The following SPTY2D1 variants were observed in gnomAD, a reference collection of about 807,000 sequenced individuals.
The protein encoded by SPTY2D1 is SPT2 chromatin protein domain containing 1, also known as protein SPT2 homolog.
In SPTY2D1, 21 loss-of-function variants were observed where a neutral mutation model predicts 64.0. The observed-to-expected ratio is 0.33, with a 90% confidence interval of 0.23 to 0.47. SPTY2D1 has a LOEUF of 0.47. Among genes scored for constraint, SPTY2D1 ranks in the 20% least tolerant of loss-of-function variants. SPTY2D1 has a pLI of 1.00. For missense variants in SPTY2D1, 724 were observed against 837.2 expected (o/e 0.86, Z 1.67); for synonymous variants, 287 against 286.8 (o/e 1.00, Z -0.01).
At chr11:18,627,921 G>A (rs1308824049) in intron 1 of SPTY2D1, among the ~76,000 whole-genome samples, 5 of 152,030 alleles carry the variant, frequency 3.3e-5, no homozygotes, top group Non-Finnish European at 7.4e-5. Context: ...GGTGGTGCAT[G>A]CCTGTAGTCC....
At chr11:18,617,519 A>T (rs1035409311) in intron 1 of SPTY2D1, among the ~76,000 whole-genome samples, 1 of 148,496 alleles carries the variant, frequency 6.7e-6, no homozygotes, top group African/African-American at 2.5e-5. Context: ...CCAGCTACTC[A>T]GGAGGCTGAG....
At chr11:18,611,030 C>T (rs756668496) in intron 5 of SPTY2D1, among the ~76,000 whole-genome samples, 1 of 152,204 alleles carries the variant, frequency 6.6e-6, no homozygotes, top group Non-Finnish European at 1.5e-5. Context: ...CATGGTGGCT[C>T]ACACCTATAA....
intron 1 of SPTY2D1, among the ~76,000 whole-genome samples, chr11:18,626,449 C>T (rs1313064774): frequency 6.6e-6 from 1 of 151,480 alleles, no homozygotes; most frequent in African/African-American, 2.4e-5. Flanking sequence ...AACAGAGTTA[C>T]TGCCTAAGGC....
At chr11:18,631,718 T>A (rs1854592501) in intron 1 of SPTY2D1, among the ~76,000 whole-genome samples, 1 of 152,228 alleles carries the variant, frequency 6.6e-6, no homozygotes, top group Non-Finnish European at 1.5e-5. Flanking sequence ...AATGTTAATA[T>A]GCTAAATACG....
At chr11:18,629,419 G>A (rs753473983) in intron 1 of SPTY2D1, among the ~76,000 whole-genome samples, 4 of 152,034 alleles carry the variant, frequency 2.6e-5, no homozygotes, top group East Asian at 1.9e-4. Context: ...CAGGAGAATC[G>A]CTTGACCCCG....
chr11:18,615,132 T>C lies in SPTY2D1; in HGVS notation c.1142A>G (p.Gln381Arg). The part of the protein sequence containing the change: ...PGSSSSSAPG[Q>R]PSTGVARPTV... ...GGGTCGAGCAACCCCTGTGCTGGGC[T>C]GCCCAGGGGCTGAGCTAGAGCTGCT... is the stretch of plus-strand genomic sequence containing the variant. Residue 381 changes from glutamine to arginine, a missense_variant, in exon 3 of 6, where the codon CAG (glutamine) becomes CGG (arginine). Transcript: ENST00000336349. 6.2e-7 allele frequency: 1 copy of C among 1,614,206 alleles called. No homozygotes were observed. The highest frequency in any genetic ancestry group is 8.5e-7 in the Non-Finnish European group (1 of 1,180,026).
Position 18,616,962 on chromosome 11 carries a change from G to T in SPTY2D1, c.88C>A (p.Pro30Thr). The stretch of plus-strand genomic sequence containing the variant: ...CCTTTAACTTTTGGGTCTTTTTTTG[G>T]AGGCCCCACTGCCAAACTATACCTT... ...PKRYSLAVGP[P>T]KKDPKVKGVQ... The change falls in exon 2 of 6, where the codon CCA (proline) becomes ACA (threonine). Residue 30 changes from proline (P) to threonine (T), a missense_variant. Physicochemically the swap from Pro to Thr is conservative, Grantham distance 38 (BLOSUM62 -1). Transcript: ENST00000336349. 6.2e-7 allele frequency: 1 copy of T among 1,613,940 alleles called. No individual in the cohort carries two copies.
intron 1 of SPTY2D1, among the ~76,000 whole-genome samples, chr11:18,621,135 C>T (rs755237659): frequency 3.4e-4 from 50 of 146,254 alleles, no homozygotes; most frequent in Non-Finnish European, 6.8e-4. Flanking sequence ...GAAACCCCAT[C>T]AAAATACAAA....
At chr11:18,633,897 G>C (rs760505782) in intron 1 of SPTY2D1, among the ~76,000 whole-genome samples, 4 of 152,162 alleles carry the variant, frequency 2.6e-5, no homozygotes, top group Non-Finnish European at 4.4e-5. Context: ...AATCCACAGC[G>C]TGCCAGGCAC....
At chr11:18,611,614 G>A (rs771900035) in intron 4 of SPTY2D1, 60 bp from the exon 5 acceptor site, 138 of 1,340,218 alleles carry the variant, frequency 1.0e-4, no homozygotes, top group Middle Eastern at 1.8e-4. Context: ...AAGGAACTAC[G>A]TCCTCTCATT....
chr11:18,615,780 G>A lies in SPTY2D1; in HGVS notation c.494C>T (p.Pro165Leu). 6.2e-7 allele frequency: 1 copy of A among 1,614,036 alleles called. No individual in the cohort carries two copies. The highest frequency in any genetic ancestry group is 8.5e-7 in the Non-Finnish European group (1 of 1,179,966). The change falls in exon 3 of 6, where the codon CCA becomes CTA. Residue 165 changes from proline to leucine, a missense_variant. Pro to Leu is a moderately conservative substitution (Grantham distance 98). Around this residue, in one of 3 missense-constraint regions of SPTY2D1, gnomAD observed 179 missense variants for 232.5 expected, o/e 0.77. Transcript: ENST00000336349. ...GAGTAAATCAGTGAAGTTCATGGGT[G>A]GTGGGGCACTTTTAAGGGGGACCTT... ...KPKVPLKSAPPPMNFTDLLRL... is the reference protein window; with the variant it reads ...KPKVPLKSAPLPMNFTDLLRL...
intron 1 of SPTY2D1, among the ~76,000 whole-genome samples, chr11:18,633,521 AC>A (rs1221688712): frequency 6.6e-6 from 1 of 152,224 alleles, no homozygotes; most frequent in Admixed American, 6.5e-5. Flanking sequence ...ACATCTACTG[AC>A]CAAATGGGAC....
At chr11:18,617,149 A>C (rs1297537019) in intron 1 of SPTY2D1, among the ~76,000 whole-genome samples, 160 bp from the exon 2 acceptor site, 1 of 152,234 alleles carries the variant, frequency 6.6e-6, no homozygotes, top group East Asian at 1.9e-4. Context: ...CTTAGCTATA[A>C]AATTTCAGAC....
intron 5 of SPTY2D1, among the ~76,000 whole-genome samples, chr11:18,610,526 G>A (rs1319359382): frequency 1.3e-5 from 2 of 151,860 alleles, no homozygotes; most frequent in Admixed American, 1.3e-4. Flanking sequence ...TTAGCTGGGC[G>A]TGGTAGCGCA....
intron 1 of SPTY2D1, among the ~76,000 whole-genome samples, chr11:18,633,051 C>A (rs1224747765): frequency 1.3e-5 from 2 of 152,062 alleles, no homozygotes; most frequent in African/African-American, 4.8e-5. Context: ...TTATGACTCA[C>A]GGCTTAGAGG....
chr11:18,626,459 C>T lies in SPTY2D1; in HGVS notation c.60+7739G>A, dbSNP rs147615149. Among the ~76,000 whole-genome samples, 7 of 151,884 alleles carry T rather than the reference C, an allele frequency of 4.6e-5. No homozygotes were observed. In the East Asian group the frequency reaches 1.4e-3, roughly 29 times the overall value. On this transcript the variant is annotated intron_variant, in intron 1 of 5. Transcript: ENST00000336349. Reference sequence around the variant, plus strand: ...AAAAAAACAGAGTTACTGCCTAAGGCTGGAGTTGGGGATAGGGAACTGGAT... The same window carrying T: ...AAAAAAACAGAGTTACTGCCTAAGGTTGGAGTTGGGGATAGGGAACTGGAT...
intron 1 of SPTY2D1, among the ~76,000 whole-genome samples, chr11:18,620,181 A>C (rs754991566): frequency 1.1e-4 from 17 of 152,202 alleles, no homozygotes; most frequent in Non-Finnish European, 4.4e-5. Context: ...ATTTAAAAAA[A>C]CATACAGAGT....
chr11:18,607,857 A>G lies in SPTY2D1; in HGVS notation c.*2004T>C, dbSNP rs1297048854. On this transcript the variant is annotated 3_prime_UTR_variant, in exon 6 of 6. Transcript: ENST00000336349. Reference sequence around the variant, plus strand: ...CTAAGTTCTGGAAATTTATTCTAACATAATGGTGCCTTTCTGTACAAAGAA... The same window carrying G: ...CTAAGTTCTGGAAATTTATTCTAACGTAATGGTGCCTTTCTGTACAAAGAA... 6 of 152,254 alleles carry G rather than the reference A, an allele frequency of 3.9e-5. No individual in the cohort carries two copies. The highest frequency in any genetic ancestry group is 2.6e-4 in the Admixed American group (4 of 15,282). 9.4% of individuals were successfully genotyped at this position (152,254 alleles called of 1,614,324 possible). A position where few individuals can be genotyped will look rare whatever the true frequency, so the allele number is the denominator to read the frequency against.
chr11:18,634,330 G>C lies in SPTY2D1; in HGVS notation c.-73C>G, dbSNP rs778777014. 4.2e-5 allele frequency: 65 copies of C among 1,536,878 alleles called. No individual in the cohort carries two copies. Among genetic ancestry groups the C allele is most frequent in the Non-Finnish European group, 5.6e-5 (62 of 1,113,800 alleles). On this transcript the variant is annotated 5_prime_UTR_variant, in exon 1 of 6. Coordinates refer to ENST00000336349, the MANE Select transcript of SPTY2D1 (RefSeq NM_194285.3). ...ACAGCGCACCTAACCGAGGCGCCCA[G>C]CTACAGCCAACTGCACTGCCTCGGG... is the stretch of plus-strand genomic sequence containing the variant.
Sources: allele counts gnomAD v4.1 joint callset (sites outside exome capture counted in the v4.1 genomes callset), GRCh38; gene constraint gnomAD v4.1.1; regional missense constraint gnomAD v4.1.1; transcripts MANE v1.5; gene names NCBI Gene and HGNC (gene_info 2026-07-23, HGNC 2026-07-21).